The following PCDHGA7 variants were observed in gnomAD, a reference collection of about 807,000 sequenced individuals.
The protein encoded by PCDHGA7 is protocadherin gamma subfamily A, 7.
A neutral mutation model predicts 58.3 loss-of-function variants in PCDHGA7; 44 were observed. The observed-to-expected ratio is 0.75, with a 90% CI of 0.59 to 0.97. PCDHGA7 has a LOEUF of 0.97. Ranked by LOEUF, PCDHGA7 falls within the 50% of genes least tolerant of loss-of-function variation. The pLI is 0.00. For missense variants in PCDHGA7, 1,266 were observed against 1,188.7 expected, an observed-to-expected ratio of 1.06 and a Z score of -0.96; for synonymous variants, 516 against 504.2, an observed-to-expected ratio of 1.02 and a Z score of -0.31.
In PCDHGA7 at chr5:141,385,331, C is replaced by T. The variant is rs1235160402; in HGVS notation, c.2424+8C>T. On this transcript the variant is annotated splice_region_variant and intron_variant, in intron 1 of 3. Transcript: ENST00000518325. ...AACCTGCCAAGTATTCAGGTGAGCCCAGCCCTTCCTTTATTTCCATGAGGA... is the reference window on the plus strand; with the variant it reads ...AACCTGCCAAGTATTCAGGTGAGCCTAGCCCTTCCTTTATTTCCATGAGGA... 1 of 1,585,046 alleles carries T rather than the reference C, an allele frequency of 6.3e-7. No individual in the cohort carries two copies. Among genetic ancestry groups the T allele is most frequent in the African/African-American group, 1.4e-5 (1 of 73,702 alleles).
intron 1 of PCDHGA7, among the ~76,000 whole-genome samples, chr5:141,460,995 A>G (rs566978077): frequency 1.1e-4 from 17 of 150,188 alleles, no homozygotes; most frequent in South Asian, 2.1e-4. Flanking sequence ...ATATATATAT[A>G]TGTGTATATA....
chr5:141,419,361 T>C, intron 1 of PCDHGA7: 1 of 1,613,794 alleles, frequency 6.2e-7, no homozygotes, highest in Non-Finnish European at 8.5e-7. Context: ...TCACGAACGC[T>C]GTCGTCCTAC....
chr5:141,435,745 A>T (rs2097777848), intron 1 of PCDHGA7, among the ~76,000 whole-genome samples: 1 of 152,184 alleles, frequency 6.6e-6, no homozygotes, highest in African/African-American at 2.4e-5. Context: ...TTTGAAAAGC[A>T]TTGCTTGATT....
chr5:141,403,879 T>C (rs981085034), intron 1 of PCDHGA7: 19 of 1,613,692 alleles, frequency 1.2e-5, no homozygotes, highest in Non-Finnish European at 1.6e-5. Context: ...GTCTAGATTA[T>C]GAAGAATGTT....
At chr5:141,418,163 T>G in intron 1 of PCDHGA7, 1 of 1,614,002 alleles carries the variant, frequency 6.2e-7, no homozygotes, top group Non-Finnish European at 8.5e-7. Context: ...GAGAAGAAGA[T>G]GTGAGTTGCA....
At chr5:141,405,227 C>T (rs562247940) in intron 1 of PCDHGA7, 1 of 1,614,114 alleles carries the variant, frequency 6.2e-7, no homozygotes, top group South Asian at 1.1e-5. Flanking sequence ...GGAGTTCTCC[C>T]TCACCGCTGA....
chr5:141,413,699 A>T (rs2095668539), intron 1 of PCDHGA7: 2 of 1,613,762 alleles, frequency 1.2e-6, no homozygotes, highest in East Asian at 4.5e-5. Context: ...CAGAGCTATC[A>T]GCTCAGCCCC....
intron 1 of PCDHGA7, chr5:141,418,042 G>A: frequency 6.2e-7 from 1 of 1,614,014 alleles, no homozygotes; most frequent in South Asian, 1.1e-5. Context: ...TCCTGGATGT[G>A]TCGGCTCGCG....
At chr5:141,479,312 A>G (rs1218187495) in intron 1 of PCDHGA7, 5 of 152,526 alleles carry the variant, frequency 3.3e-5, no homozygotes, top group African/African-American at 9.6e-5. Context: ...GAAAACATAA[A>G]GTAGCCAGAC....
At chr5:141,505,296 G>A (rs1174492966) in intron 2 of PCDHGA7, 97 bp from the exon 3 acceptor site, 1 of 1,584,850 alleles carries the variant, frequency 6.3e-7, no homozygotes, top group Non-Finnish European at 8.6e-7. Context: ...ATGGGGTAGG[G>A]TTAGGGTACT....
At position 141,494,788 on chromosome 5, in the gene PCDHGA7, C is replaced by T. The variant is rs2099756942; in HGVS notation, c.2425-19C>T. The T allele has an allele frequency of 6.2e-7, 1 of 1,614,116 alleles. No homozygotes were observed. The highest frequency in any genetic ancestry group is 8.5e-7 in the Non-Finnish European group (1 of 1,180,000). On this transcript the variant is annotated intron_variant, in intron 1 of 3. Transcript: ENST00000518325. ...CTTCTCACGGGTACTCAGCCCCTTTCCCTCTGTTTTCTCCACAGCAAGCCC... is the reference window on the plus strand; with the variant it reads ...CTTCTCACGGGTACTCAGCCCCTTTTCCTCTGTTTTCTCCACAGCAAGCCC...
chr5:141,503,713 C>T (rs867005984), intron 2 of PCDHGA7, among the ~76,000 whole-genome samples: 6 of 152,134 alleles, frequency 3.9e-5, no homozygotes, highest in Non-Finnish European at 8.8e-5. Context: ...TCCCCTTCAA[C>T]CCTAGCTTTA....
At position 141,388,901 on chromosome 5, in the gene PCDHGA7, T is replaced by G. The variant is rs776637275; in HGVS notation, c.2424+3578T>G. The G allele has an allele frequency of 2.5e-6, 4 of 1,613,722 alleles. No homozygotes were observed. The African/African-American group carries it at 5.3e-5, about 22-fold the overall frequency. On this transcript the variant is annotated intron_variant, in intron 1 of 3. Coordinates refer to ENST00000518325, the MANE Select transcript of PCDHGA7 (RefSeq NM_018920.4). ...TGGAGGTAGAAGTCATAGATGAAAA[T>G]GACAACGCCCCAGAAGTGATATTCC...
intron 1 of PCDHGA7, among the ~76,000 whole-genome samples, chr5:141,480,768 A>G (rs1371582817): frequency 6.6e-6 from 1 of 152,162 alleles, no homozygotes; most frequent in African/African-American, 2.4e-5. Flanking sequence ...TCCCCACTTG[A>G]TCCTAATGTG....
At position 141,431,368 on chromosome 5, in the gene PCDHGA7, A is replaced by G; in HGVS notation, c.2424+46045A>G. On this transcript the variant is annotated intron_variant, in intron 1 of 3. Coordinates refer to ENST00000518325, the MANE Select transcript of PCDHGA7 (RefSeq NM_018920.4). The surrounding 1 kb of genome is among the most constrained non-coding windows in gnomAD (Gnocchi z 4.8). ...TGCTGAAACGCGCCCTGGACCGCGA[A>G]GAAAAGGCTGCTCACCACCTGGTCC... 1.9e-6 allele frequency: 3 copies of G among 1,614,002 alleles called. No individual in the cohort carries two copies. The highest frequency in any genetic ancestry group is 2.5e-6 in the Non-Finnish European group (3 of 1,180,034).
At chr5:141,495,605 T>G (rs1201224193) in intron 2 of PCDHGA7, among the ~76,000 whole-genome samples, 2 of 152,228 alleles carry the variant, frequency 1.3e-5, no homozygotes, top group African/African-American at 2.4e-5. Context: ...GCTTCCGTCT[T>G]GATTGCTGCA....
chr5:141,473,312 A>G (rs1432409474), intron 1 of PCDHGA7, among the ~76,000 whole-genome samples: 1 of 152,228 alleles, frequency 6.6e-6, no homozygotes, highest in Non-Finnish European at 1.5e-5. Context: ...TGCTATATTA[A>G]TAAGCATTAA....
At position 141,394,947 on chromosome 5, in the gene PCDHGA7, C is replaced by T. The variant is rs536743847; in HGVS notation, c.2424+9624C>T. The T allele has an allele frequency of 1.7e-5, 27 of 1,613,892 alleles. No homozygotes were observed. In the African/African-American group the frequency reaches 2.8e-4, roughly 17 times the overall value. Reference sequence around the variant, plus strand: ...CTTCCTCGCCTTTGTCGCTGTGCTTCTGGGGCTCAGGCTGAGGCGCTGGCA... The same window carrying T: ...CTTCCTCGCCTTTGTCGCTGTGCTTTTGGGGCTCAGGCTGAGGCGCTGGCA... On this transcript the variant is annotated intron_variant, in intron 1 of 3. Coordinates refer to ENST00000518325, the MANE Select transcript of PCDHGA7 (RefSeq NM_018920.4).
intron 1 of PCDHGA7, among the ~76,000 whole-genome samples, chr5:141,437,829 C>T (rs2097913718): frequency 6.6e-6 from 1 of 151,986 alleles, no homozygotes; most frequent in Admixed American, 6.6e-5. Flanking sequence ...CCTCTGCCTC[C>T]TGGGTTCATG....
Sources: allele counts gnomAD v4.1 joint callset (sites outside exome capture counted in the v4.1 genomes callset), GRCh38; gene constraint gnomAD v4.1.1; non-coding constraint Gnocchi (gnomAD v3.1); transcripts MANE v1.5; gene names NCBI Gene and HGNC (gene_info 2026-07-23, HGNC 2026-07-21).